ASIC2: variants seen among roughly 807,000 people sequenced by gnomAD.
The protein encoded by ASIC2 is acid-sensing ion channel 2.
Under a neutral mutation model 57.3 loss-of-function variants are expected in ASIC2, and 25 were observed. That is an observed-to-expected ratio of 0.44 (90% CI 0.32 to 0.61). The LOEUF is 0.61. Among genes scored for constraint, ASIC2 ranks in the 20% least tolerant of loss-of-function variants. The pLI, the probability that ASIC2 is intolerant of heterozygous loss-of-function variation, is 0.06. For synonymous variants in ASIC2, 319 were observed against 307.5 expected (o/e 1.04, Z -0.39); for missense variants, 641 against 738.1 (o/e 0.87, Z 1.52).
intron 1 of ASIC2, among the ~76,000 whole-genome samples, chr17:34,035,181 A>G (rs1479151343): frequency 6.8e-6 from 1 of 147,586 alleles, no homozygotes; most frequent in African/African-American, 2.6e-5. Context: ...AATGGAACAG[A>G]ACAGAGCCCT....
rs144761194 is a variant in ASIC2, at chr17:33,435,566, G to A, written c.556-323499C>T. Among the ~76,000 whole-genome samples the A allele has an allele frequency of 9.7e-4, 148 of 152,318 alleles. 1 individual carries two copies. The highest frequency in any genetic ancestry group is 3.5e-3 in the African/African-American group (144 of 41,576). On this transcript the variant is annotated intron_variant, in intron 1 of 9. Coordinates refer to the ASIC2 transcript ENST00000359872. ...CCATACAAATATATGTCAGCTTGGA[G>A]AATGAGGGAGCCAGTCATTATCTTG... is the stretch of plus-strand genomic sequence containing the variant.
At chr17:34,081,005 A>G (rs1909857944) in intron 1 of ASIC2, 1 of 152,218 alleles carries the variant, frequency 6.6e-6, no homozygotes. Context: ...GACAAGGAAT[A>G]AAGTACCTAG....
At chr17:33,489,945 G>A (rs987471797) in intron 1 of ASIC2, among the ~76,000 whole-genome samples, 2 of 152,150 alleles carry the variant, frequency 1.3e-5, no homozygotes, top group Admixed American at 6.5e-5. Flanking sequence ...TTTATTCCAC[G>A]ATCTTAACTG....
chr17:33,796,856 T>A (rs1052487287), intron 1 of ASIC2, among the ~76,000 whole-genome samples: 1 of 152,234 alleles, frequency 6.6e-6, no homozygotes, highest in African/African-American at 2.4e-5. Flanking sequence ...ACTAAAGGTG[T>A]GATCTTGTGC....
At chr17:33,242,822 T>C (rs1273049867) in intron 1 of ASIC2, among the ~76,000 whole-genome samples, 1 of 152,170 alleles carries the variant, frequency 6.6e-6, no homozygotes, top group Non-Finnish European at 1.5e-5. Flanking sequence ...CAGGGCACTT[T>C]GCTTATTTTG....
chr17:33,323,430 C>A (rs1443986954), intron 1 of ASIC2, among the ~76,000 whole-genome samples: 1 of 152,144 alleles, frequency 6.6e-6, no homozygotes, highest in Non-Finnish European at 1.5e-5. Context: ...AAGCCAGACA[C>A]AGGCGGGCAC....
chr17:33,376,001 A>G (rs780950217), intron 1 of ASIC2, among the ~76,000 whole-genome samples: 6 of 152,212 alleles, frequency 3.9e-5, no homozygotes, highest in Non-Finnish European at 7.3e-5. Context: ...GACGTTGAAT[A>G]GGCAGTTAAG....
chr17:33,065,100 G>A (rs558467110), intron 3 of ASIC2, among the ~76,000 whole-genome samples: 1 of 148,804 alleles, frequency 6.7e-6, no homozygotes, highest in East Asian at 2.0e-4. Context: ...TAATAGGCAG[G>A]TTTTTTTTTT....
intron 1 of ASIC2, among the ~76,000 whole-genome samples, chr17:33,994,246 G>A (rs1190220827): frequency 6.6e-6 from 1 of 152,176 alleles, no homozygotes; most frequent in Non-Finnish European, 1.5e-5. Context: ...AAAGGACTAT[G>A]GGTAAGTTTC....
In ASIC2 at chr17:33,150,409, C is replaced by T. The variant is rs7218967; in HGVS notation, c.709-38342G>A. Among the ~76,000 whole-genome samples the T allele has an allele frequency of 5.0e-3, 762 of 152,268 alleles. 6 individuals carry two copies. The highest frequency in any genetic ancestry group is 0.018 in the African/African-American group (728 of 41,550). ...GGAGTCAGAATATTTGATTTTTTGC[C>T]TCCAAAGGAATGCTCAAATCCTCCT... On this transcript the variant is annotated intron_variant, in intron 1 of 9. Coordinates refer to ENST00000225823, the MANE Select transcript of ASIC2 (RefSeq NM_183377.2).
rs577105088 is a variant in ASIC2, at chr17:34,084,922, C to T, written c.555+71056G>A. ...AGACTTTGCTGAAGTTGCCTATCAGCTTAAGGAGATTTGGGGCTGAGACGA... is the reference window on the plus strand; with the variant it reads ...AGACTTTGCTGAAGTTGCCTATCAGTTTAAGGAGATTTGGGGCTGAGACGA... On this transcript the variant is annotated intron_variant, in intron 1 of 9. Coordinates refer to the ASIC2 transcript ENST00000359872. 1.5e-3 allele frequency among the ~76,000 whole-genome samples: 221 copies of T among 152,286 alleles called. 1 individual carries two copies. The highest frequency in any genetic ancestry group is 5.2e-3 in the African/African-American group (215 of 41,558).
At position 33,580,657 on chromosome 17, in the gene ASIC2, C is replaced by T. The variant is rs531419292; in HGVS notation, c.556-468590G>A. Among the ~76,000 whole-genome samples the T allele has an allele frequency of 6.0e-4, 91 of 152,078 alleles. 1 individual carries two copies. The highest frequency in any genetic ancestry group is 1.1e-3 in the Non-Finnish European group (76 of 67,996). On this transcript the variant is annotated intron_variant, in intron 1 of 9. Coordinates refer to the ASIC2 transcript ENST00000359872. ...TGAAGACTCAATGACCCCAGCTCAG[C>T]ACCTCCTCCTCACTCTTGTTTTTGT...
At chr17:33,483,501 G>C (rs1031176245) in intron 1 of ASIC2, among the ~76,000 whole-genome samples, 3 of 152,262 alleles carry the variant, frequency 2.0e-5, no homozygotes, top group African/African-American at 7.2e-5. Flanking sequence ...GCACTGGCAG[G>C]TGGAGCGAGG....
At chr17:33,906,676 C>A (rs1915357459) in intron 1 of ASIC2, among the ~76,000 whole-genome samples, 1 of 152,238 alleles carries the variant, frequency 6.6e-6, no homozygotes, top group Non-Finnish European at 1.5e-5. Context: ...TTCATTCACC[C>A]TCTCCTATAA....
intron 1 of ASIC2, among the ~76,000 whole-genome samples, chr17:33,686,232 G>T (rs186472309): frequency 1.1e-4 from 17 of 152,258 alleles, no homozygotes; most frequent in Admixed American, 2.0e-4. Flanking sequence ...ACAGGTAGCA[G>T]AAAGATGGCC....
At chr17:33,240,898 C>T (rs1016176958) in intron 1 of ASIC2, among the ~76,000 whole-genome samples, 8 of 152,200 alleles carry the variant, frequency 5.3e-5, no homozygotes, top group Admixed American at 2.6e-4. Flanking sequence ...AAGGCAGGAT[C>T]GTGGCATGCC....
chr17:33,079,908 CAG>C (rs1300013864), intron 3 of ASIC2, among the ~76,000 whole-genome samples: 1 of 152,138 alleles, frequency 6.6e-6, no homozygotes, highest in Non-Finnish European at 1.5e-5. Context: ...CGGCCATTTA[CAG>C]AGTTTTGAAT....
chr17:33,897,611 G>A (rs1915127004), intron 1 of ASIC2, among the ~76,000 whole-genome samples: 1 of 152,230 alleles, frequency 6.6e-6, no homozygotes, highest in South Asian at 2.1e-4. Flanking sequence ...TGGTAAAACT[G>A]CACTTGCAGC....
At chr17:33,845,834 GA>G (rs1267601747) in intron 1 of ASIC2, among the ~76,000 whole-genome samples, 1 of 151,800 alleles carries the variant, frequency 6.6e-6, no homozygotes, top group African/African-American at 2.4e-5. Context: ...ATAAATACCT[GA>G]AAAAAAAGCT....
Sources: allele counts gnomAD v4.1 joint callset (sites outside exome capture counted in the v4.1 genomes callset), GRCh38; gene constraint gnomAD v4.1.1; transcripts MANE v1.5; gene names NCBI Gene and HGNC (gene_info 2026-07-23, HGNC 2026-07-21).